ANKRD30A: variants seen among roughly 807,000 people sequenced by gnomAD.
ANKRD30A encodes ankyrin repeat domain 30A, also known as ankyrin repeat domain-containing protein 30A.
A neutral mutation model predicts 166.3 loss-of-function variants in ANKRD30A; 170 were observed. The ratio of observed to expected loss-of-function variants is 1.02; its 90% confidence interval spans 0.90 to 1.16. The LOEUF (loss-of-function observed/expected upper bound fraction) is 1.16. Among genes scored for constraint, ANKRD30A ranks in the 50% most tolerant of loss-of-function variants. The pLI, the probability that ANKRD30A is intolerant of heterozygous loss-of-function variation, is 0.00. For synonymous variants in ANKRD30A, 564 were observed against 508.9 expected (o/e 1.11, Z -1.46); for missense variants, 1,630 against 1,518.0 (o/e 1.07, Z -1.23).
chr10:37,127,645 CA>C (rs1162004282), intron 1 of ANKRD30A, among the ~76,000 whole-genome samples: 1 of 152,042 alleles, frequency 6.6e-6, no homozygotes, highest in African/African-American at 2.4e-5. Flanking sequence ...AAAAATTGGG[CA>C]AAGTCCTTTT....
the ANKRD30A span, among the ~76,000 whole-genome samples, chr10:37,247,843 C>G: frequency 6.8e-6 from 1 of 146,448 alleles, no homozygotes; most frequent in Non-Finnish European, 1.5e-5. Flanking sequence ...GATCGTGCCA[C>G]TGTACTCCAG....
Position 37,136,654 on chromosome 10 carries a change from A to T in ANKRD30A, c.803A>T (p.His268Leu), listed in dbSNP as rs561609736. The T allele has an allele frequency of 1.4e-6, 2 of 1,423,470 alleles. No individual in the cohort carries two copies. The highest frequency in any genetic ancestry group is 2.9e-5 in the African/African-American group (2 of 69,820). 88.2% of individuals were successfully genotyped at this position (1,423,470 alleles called of 1,614,324 possible). Reference sequence around the variant, plus strand: ...TATATACGAAAATTATCTAAAAATCATCAAAATACCAATCCAGGTAAGACT... The same window carrying T: ...TATATACGAAAATTATCTAAAAATCTTCAAAATACCAATCCAGGTAAGACT... The part of the protein sequence containing the change: ...MEYIRKLSKN[H>L]QNTNPEGTSA... The change falls in exon 6 of 36, where the codon CAT (histidine) becomes CTT (leucine). Residue 268 changes from histidine to leucine, a missense_variant. This residue lies in a region of ANKRD30A where 904 missense variants were observed against 818.5 expected (regional missense o/e 1.10). Transcript: ENST00000361713.
intron 34 of ANKRD30A, among the ~76,000 whole-genome samples, chr10:37,220,531 A>AT (rs1254248442): frequency 1.3e-5 from 2 of 151,124 alleles, no homozygotes; most frequent in South Asian, 2.1e-4. Flanking sequence ...TATAACCTCA[A>AT]TTTTTTAAAG....
chr10:37,256,976 C>T, the ANKRD30A span, among the ~76,000 whole-genome samples: 2 of 151,880 alleles, frequency 1.3e-5, no homozygotes, highest in Non-Finnish European at 2.9e-5. Context: ...GGTACCAGCT[C>T]CTCTTTATAC....
the ANKRD30A span, chr10:37,241,286 A>G: frequency 3.3e-5 from 5 of 150,958 alleles, no homozygotes; most frequent in East Asian, 1.9e-4. Flanking sequence ...ACTAACTTTT[A>G]TTTTTAAAAT....
At chr10:37,237,501 G>A (rs561011999), downstream of ANKRD30A, among the ~76,000 whole-genome samples, 375 of 152,074 alleles carry the variant, frequency 2.5e-3, no homozygotes, top group Non-Finnish European at 2.7e-3. Flanking sequence ...GATTTCTATG[G>A]GACATCGTTT....
At chr10:37,243,729 A>G in the ANKRD30A span, among the ~76,000 whole-genome samples, 3 of 152,242 alleles carry the variant, frequency 2.0e-5, no homozygotes, top group Non-Finnish European at 4.4e-5. Context: ...ACATCACTGA[A>G]CTTCTAAGTA....
Position 37,219,527 on chromosome 10 carries a change from A to G in ANKRD30A, c.3815A>G (p.Asp1272Gly). Residue 1272 changes from aspartate (D) to glycine (G), a missense_variant, in exon 34 of 36, where the codon GAT becomes GGT. By Grantham distance (94) the Asp-to-Gly change is moderately conservative (BLOSUM62 -1). This residue lies in a region of ANKRD30A where 712 missense variants were observed against 629.3 expected (regional missense o/e 1.13). Coordinates refer to ENST00000361713, the MANE Select transcript of ANKRD30A (RefSeq NM_052997.3). Reference sequence around the variant, plus strand: ...AAAATTAATCTCAATTATGCAGGAGATGCTCTAAGAGAAAATACATTGGTT... The same window carrying G: ...AAAATTAATCTCAATTATGCAGGAGGTGCTCTAAGAGAAAATACATTGGTT... ...SLKINLNYAG[D>G]ALRENTLVSE... The G allele has an allele frequency of 2.5e-6, 4 of 1,610,322 alleles. No homozygotes were observed. Among genetic ancestry groups the G allele is most frequent in the Non-Finnish European group, 3.4e-6 (4 of 1,177,666 alleles).
chr10:37,132,406 C>A, intron 4 of ANKRD30A, 60 bp downstream of exon 4: 1 of 932,578 alleles, frequency 1.1e-6, no homozygotes, highest in Non-Finnish European at 1.6e-6. Context: ...TAATAACACT[C>A]AAGTCAGAAA....
At chr10:37,208,583 A>G (rs1394194211) in intron 31 of ANKRD30A, among the ~76,000 whole-genome samples, 3 of 152,220 alleles carry the variant, frequency 2.0e-5, no homozygotes, top group East Asian at 1.9e-4. Context: ...CCACTTTCTC[A>G]TTTCTGCAGC....
chr10:37,195,858 GGAA>G (rs147839857), intron 27 of ANKRD30A, among the ~76,000 whole-genome samples: 9,876 of 152,186 alleles, frequency 0.065, 422 homozygotes, highest in Middle Eastern at 0.11. Context: ...GGGAAAAATT[GGAA>G]GAAGAGCAGT....
chr10:37,178,975 A>C (rs1229631088), intron 24 of ANKRD30A, among the ~76,000 whole-genome samples: 2 of 148,344 alleles, frequency 1.3e-5, no homozygotes, highest in Non-Finnish European at 3.0e-5. Context: ...ACTAAACCTC[A>C]GTGACTCATT....
the ANKRD30A span, among the ~76,000 whole-genome samples, chr10:37,245,652 T>C: frequency 3.9e-5 from 6 of 152,178 alleles, no homozygotes; most frequent in South Asian, 2.1e-4. Flanking sequence ...AGATCATGGC[T>C]TCTGTGGGTT....
chr10:37,144,881 A>G (rs1588777240), intron 7 of ANKRD30A, 114 bp from the exon 8 acceptor site: 2 of 688,148 alleles, frequency 2.9e-6, no homozygotes, highest in African/African-American at 3.8e-5. Flanking sequence ...AATAGAATAT[A>G]CAGGCTATAG....
rs144655177 is a variant in ANKRD30A at position 37,139,038 on chromosome 10, C to T, written c.820+2367C>T. ...CTAACAGCTGATGTCTCGGCAGAAA[C>T]GCTACAAGCCAGAAGAGAGTGGGGG... On this transcript the variant is annotated intron_variant, in intron 6 of 35. Transcript: ENST00000361713. Among the ~76,000 whole-genome samples, 1,459 of 152,260 alleles carry T rather than the reference C, an allele frequency of 9.6e-3. 72 individuals carry two copies. The highest frequency in any genetic ancestry group is 0.072 in the Admixed American group (1,100 of 15,294).
At position 37,130,201 on chromosome 10, in the gene ANKRD30A, A is replaced by G; in HGVS notation, c.337-4A>G. ...TACAATAATTCTTGCTTTAATACTG[A>G]CAGGCTCTACAATGCCATCAGGAGG... On this transcript the variant is annotated splice_region_variant and splice_polypyrimidine_tract_variant and intron_variant, in intron 2 of 35. Coordinates refer to ENST00000361713, the MANE Select transcript of ANKRD30A (RefSeq NM_052997.3). The G allele has an allele frequency of 1.3e-6, 2 of 1,569,536 alleles. No individual in the cohort carries two copies. Among genetic ancestry groups the G allele is most frequent in the Non-Finnish European group, 1.7e-6 (2 of 1,160,970 alleles).
intron 27 of ANKRD30A, among the ~76,000 whole-genome samples, chr10:37,195,783 C>T (rs1307694197): frequency 6.6e-6 from 1 of 152,094 alleles, no homozygotes; most frequent in Admixed American, 6.5e-5. Flanking sequence ...AATAATTTCT[C>T]AGGCGATGCT....
At chr10:37,161,212 A>T (rs1838834717) in intron 15 of ANKRD30A, among the ~76,000 whole-genome samples, 18 of 152,220 alleles carry the variant, frequency 1.2e-4, no homozygotes, top group Admixed American at 1.2e-3. Context: ...TTTCATGGGA[A>T]AATAGTGGAA....
At chr10:37,229,549 A>G (rs1399395142) in intron 34 of ANKRD30A, among the ~76,000 whole-genome samples, 1 of 151,958 alleles carries the variant, frequency 6.6e-6, no homozygotes, top group Non-Finnish European at 1.5e-5. Context: ...ATCATAAATT[A>G]TAGTTAACTG....
Sources: allele counts gnomAD v4.1 joint callset (sites outside exome capture counted in the v4.1 genomes callset), GRCh38; gene constraint gnomAD v4.1.1; regional missense constraint gnomAD v4.1.1; transcripts MANE v1.5; gene names NCBI Gene and HGNC (gene_info 2026-07-23, HGNC 2026-07-21).